KCNQ1: variants seen among roughly 807,000 people sequenced by gnomAD.
KCNQ1 encodes potassium voltage-gated channel subfamily KQT member 1.
KCNQ1 carries 49 observed loss-of-function variants against 72.4 expected under a neutral mutation model. The observed-to-expected ratio is 0.68, with a 90% CI of 0.54 to 0.86. The LOEUF (loss-of-function observed/expected upper bound fraction) is 0.86. KCNQ1 is among the 40% of genes least tolerant of loss of function. The pLI is 0.00. For synonymous variants in KCNQ1, 450 were observed against 412.6 expected, an observed-to-expected ratio of 1.09 and a Z score of -1.10; for missense variants, 790 against 945.1, an observed-to-expected ratio of 0.84 and a Z score of 2.15.
Position 2,703,093 on chromosome 11 carries a change from C to T in KCNQ1, c.1514+41012C>T, listed in dbSNP as rs536696053. Among the ~76,000 whole-genome samples, 1 of 152,158 alleles carries T rather than the reference C, an allele frequency of 6.6e-6. No homozygotes were observed. Among genetic ancestry groups the T allele is most frequent in the Non-Finnish European group, 1.5e-5 (1 of 68,020 alleles). On this transcript the variant is annotated intron_variant, in intron 11 of 15. Transcript: ENST00000155840. This position sits in a 1 kb window ranked among gnomAD's most constrained non-coding sequence, Gnocchi z 6.4. ...ATGTGAGGCTGGGCGGACTCCAGGC[C>T]AGCCCCAGAGGCAGATGGGGGCTGC...
At position 2,623,788 on chromosome 11, in the gene KCNQ1, G is replaced by A. The variant is rs1849215574; in HGVS notation, c.1393+34934G>A. ...TTCACCTCCTTTGAGTAAATACCAA[G>A]GATGTGATTGCTGAACTGCATGGTA... On this transcript the variant is annotated intron_variant, in intron 10 of 15. Coordinates refer to ENST00000155840, the MANE Select transcript of KCNQ1 (RefSeq NM_000218.3). The surrounding 1 kb of genome is among the most constrained non-coding windows in gnomAD (Gnocchi z 5.2). 7.5e-6 allele frequency: 3 copies of A among 398,306 alleles called. No homozygotes were observed. Among genetic ancestry groups the A allele is most frequent in the African/African-American group, 2.1e-5 (1 of 48,576 alleles). The allele number at this position is 398,306 out of a possible 1,614,324, so 24.7% of individuals were successfully genotyped here. A position where few individuals can be genotyped will look rare whatever the true frequency, so the allele number is the denominator to read the frequency against.
At position 2,687,933 on chromosome 11, in the gene KCNQ1, T is replaced by TCTCCCACCCGCTGTGGGTCAGCC; in HGVS notation, c.1514+25853_1514+25875dup. 1 of 398,646 alleles carries TCTCCCACCCGCTGTGGGTCAGCC rather than the reference T, an allele frequency of 2.5e-6. No homozygotes were observed. The highest frequency in any genetic ancestry group is 4.4e-6 in the Non-Finnish European group (1 of 226,168). 24.7% of individuals were successfully genotyped at this position (398,646 alleles called of 1,614,324 possible). ...TCCCCAGCAGTTGTGAGGCTGCACT[T>TCTCCCACCCGCTGTGGGTCAGCC]CTCCCACCCGCTGTGGGTCAGCCAG... On this transcript the variant is annotated intron_variant, in intron 11 of 15. Transcript: ENST00000155840. The surrounding 1 kb of genome is among the most constrained non-coding windows in gnomAD (Gnocchi z 5.0).
chr11:2,589,986 GA>G (rs1201091197), intron 10 of KCNQ1, among the ~76,000 whole-genome samples: 3 of 152,212 alleles, frequency 2.0e-5, no homozygotes, highest in Non-Finnish European at 4.4e-5. Flanking sequence ...TGAGAGTTAG[GA>G]GAGGTGGAAG....
Position 2,626,573 on chromosome 11 carries a change from C to T in KCNQ1, c.1394-35388C>T, listed in dbSNP as rs943402432. 5 of 398,520 alleles carry T rather than the reference C, an allele frequency of 1.3e-5. No homozygotes were observed. The highest frequency in any genetic ancestry group is 2.5e-4 in the South Asian group (2 of 7,848). 24.7% of individuals were successfully genotyped at this position (398,520 alleles called of 1,614,324 possible). Reference sequence around the variant, plus strand: ...TCAGACATTCTTACTCTGTTGCCCACGCTGGAGTACAGTGGCATTATCACT... The same window carrying T: ...TCAGACATTCTTACTCTGTTGCCCATGCTGGAGTACAGTGGCATTATCACT... On this transcript the variant is annotated intron_variant, in intron 10 of 15. Transcript: ENST00000155840. This position sits in a 1 kb window ranked among gnomAD's most constrained non-coding sequence, Gnocchi z 4.0.
rs549503385 is a variant in KCNQ1, at chr11:2,653,335, G to C, written c.1394-8626G>C. 6 of 398,702 alleles carry C rather than the reference G, an allele frequency of 1.5e-5. No individual in the cohort carries two copies. Among genetic ancestry groups the C allele is most frequent in the Middle Eastern group, 6.3e-4 (1 of 1,592 alleles). 24.7% of individuals were successfully genotyped at this position (398,702 alleles called of 1,614,324 possible). A position where few individuals can be genotyped will look rare whatever the true frequency, so the allele number is the denominator to read the frequency against. On this transcript the variant is annotated intron_variant, in intron 10 of 15. Transcript: ENST00000155840. The surrounding 1 kb of genome is among the most constrained non-coding windows in gnomAD (Gnocchi z 5.3). The stretch of plus-strand genomic sequence containing the variant: ...TAACCTTGACTGCCCCCAGGCCCAT[G>C]TCCGTAGGCTCACACCTCACCCCCA...
At chr11:2,496,704 G>A (rs1333456481) in intron 1 of KCNQ1, among the ~76,000 whole-genome samples, 2 of 151,908 alleles carry the variant, frequency 1.3e-5, no homozygotes, top group African/African-American at 4.8e-5. Context: ...ACATTGTTAT[G>A]TGTGAATTTG....
At chr11:2,656,180 TCTTC>T (rs1028818529) in intron 10 of KCNQ1, 2 of 398,526 alleles carry the variant, frequency 5.0e-6, no homozygotes, top group African/African-American at 4.1e-5. Context: ...GTTTTTTCTT[TCTTC>T]CTTCCTTTAA....
rs898497996 is a variant in KCNQ1, at chr11:2,463,814, G to A, written c.386+18330G>A. ...GGTCAGCCCTGAAGCCGGATGGCCCGGCCCCCGCTACCACGTGGAGGCTCC... is the reference window on the plus strand; with the variant it reads ...GGTCAGCCCTGAAGCCGGATGGCCCAGCCCCCGCTACCACGTGGAGGCTCC... On this transcript the variant is annotated intron_variant, in intron 1 of 15. Coordinates refer to ENST00000155840, the MANE Select transcript of KCNQ1 (RefSeq NM_000218.3). The surrounding 1 kb of genome is among the most constrained non-coding windows in gnomAD (Gnocchi z 7.0). Among the ~76,000 whole-genome samples, 5 of 152,206 alleles carry A rather than the reference G, an allele frequency of 3.3e-5. No homozygotes were observed. The highest frequency in any genetic ancestry group is 1.2e-4 in the African/African-American group (5 of 41,456).
chr11:2,577,113 G>C (rs909529814), intron 6 of KCNQ1, among the ~76,000 whole-genome samples: 37 of 152,240 alleles, frequency 2.4e-4, no homozygotes, highest in Non-Finnish European at 2.9e-4. Context: ...GACTTTCCCT[G>C]GACCGAAAGG....
intron 10 of KCNQ1, chr11:2,625,657 C>A: frequency 2.5e-6 from 1 of 397,236 alleles, no homozygotes. Context: ...CTTACTGCAA[C>A]CTCTGCCTCC....
At chr11:2,649,718 T>C (rs1849728702) in intron 10 of KCNQ1, 2 of 398,468 alleles carry the variant, frequency 5.0e-6, no homozygotes, top group East Asian at 3.6e-5. Flanking sequence ...TTCTCTCTTG[T>C]TTTTTAAATT....
At chr11:2,837,467 C>T (rs234867) in intron 15 of KCNQ1, among the ~76,000 whole-genome samples, 31,898 of 152,230 alleles carry the variant, frequency 0.21, 3,543 homozygotes, top group South Asian at 0.27. Context: ...ACAGACTCCC[C>T]GGCCCCTCCC....
chr11:2,620,560 T>C lies in KCNQ1; in HGVS notation c.1393+31706T>C. Reference sequence around the variant, plus strand: ...GCTGCATAGTATTCCATGGTGTACATGTACCACATTTTCTTTATCCAATCC... The same window carrying C: ...GCTGCATAGTATTCCATGGTGTACACGTACCACATTTTCTTTATCCAATCC... On this transcript the variant is annotated intron_variant, in intron 10 of 15. Coordinates refer to ENST00000155840, the MANE Select transcript of KCNQ1 (RefSeq NM_000218.3). This position sits in a 1 kb window ranked among gnomAD's most constrained non-coding sequence, Gnocchi z 4.5. 2.5e-6 allele frequency: 1 copy of C among 396,778 alleles called. No individual in the cohort carries two copies. The highest frequency in any genetic ancestry group is 4.4e-6 in the Non-Finnish European group (1 of 225,386). The allele number at this position is 396,778 out of a possible 1,614,324, so 24.6% of individuals were successfully genotyped here. A position where few individuals can be genotyped will look rare whatever the true frequency, so the allele number is the denominator to read the frequency against.
Position 2,715,154 on chromosome 11 carries a change from C to CCA in KCNQ1, c.1514+53074_1514+53075dup, listed in dbSNP as rs1851070972. Among the ~76,000 whole-genome samples the CCA allele has an allele frequency of 6.6e-6, 1 of 152,130 alleles. No homozygotes were observed. The highest frequency in any genetic ancestry group is 2.4e-5 in the African/African-American group (1 of 41,426). On this transcript the variant is annotated intron_variant, in intron 11 of 15. Transcript: ENST00000155840. The surrounding 1 kb of genome is among the most constrained non-coding windows in gnomAD (Gnocchi z 4.9). ...CATGAGATGCCCCTCACCCATCCTCCCATGAACCTCAGCATGGGCACCCCA... is the reference window on the plus strand; with the variant it reads ...CATGAGATGCCCCTCACCCATCCTCCCACATGAACCTCAGCATGGGCACCCCA...
intron 2 of KCNQ1, among the ~76,000 whole-genome samples, chr11:2,529,054 A>T (rs749199499): frequency 6.6e-6 from 1 of 152,158 alleles, no homozygotes; most frequent in Non-Finnish European, 1.5e-5. Context: ...AAGTGGTGTG[A>T]GGCACAGGCC....
At position 2,613,557 on chromosome 11, in the gene KCNQ1, G is replaced by A. The variant is rs1031801335; in HGVS notation, c.1393+24703G>A. 6 of 398,472 alleles carry A rather than the reference G, an allele frequency of 1.5e-5. No individual in the cohort carries two copies. The highest frequency in any genetic ancestry group is 2.7e-5 in the Non-Finnish European group (6 of 226,010). 24.7% of individuals were successfully genotyped at this position (398,472 alleles called of 1,614,324 possible). On this transcript the variant is annotated intron_variant, in intron 10 of 15. Transcript: ENST00000155840. This position sits in a 1 kb window ranked among gnomAD's most constrained non-coding sequence, Gnocchi z 4.8. ...TAAATCATAACCCTGCTATTCTTAG[G>A]AAGGCTTAATATTTTTTCTTTAATT...
At chr11:2,845,076 C>T (rs560498668) in intron 15 of KCNQ1, among the ~76,000 whole-genome samples, 10 of 152,208 alleles carry the variant, frequency 6.6e-5, no homozygotes, top group Admixed American at 3.3e-4. Context: ...GCTGAGAGAC[C>T]TCCCATGACC....
At position 2,828,865 on chromosome 11, in the gene KCNQ1, C is replaced by T. The variant is rs1847889808; in HGVS notation, c.1795-18902C>T. 6.6e-6 allele frequency among the ~76,000 whole-genome samples: 1 copy of T among 152,238 alleles called. No individual in the cohort carries two copies. The highest frequency in any genetic ancestry group is 1.5e-5 in the Non-Finnish European group (1 of 68,046). ...CACCAGCAATAAAGCAGACACTCCA[C>T]ATTTCCAGAGAGAAAAAGTAAGTCA... On this transcript the variant is annotated intron_variant, in intron 15 of 15. Coordinates refer to ENST00000155840, the MANE Select transcript of KCNQ1 (RefSeq NM_000218.3). The surrounding 1 kb of genome is among the most constrained non-coding windows in gnomAD (Gnocchi z 5.3).
rs1031010714 is a variant in KCNQ1 at position 2,767,224 on chromosome 11, G to A, written c.1515-1620G>A. 3.3e-5 allele frequency among the ~76,000 whole-genome samples: 5 copies of A among 151,988 alleles called. No homozygotes were observed. The highest frequency in any genetic ancestry group is 7.4e-5 in the Non-Finnish European group (5 of 67,980). On this transcript the variant is annotated intron_variant, in intron 11 of 15. Transcript: ENST00000155840. This position sits in a 1 kb window ranked among gnomAD's most constrained non-coding sequence, Gnocchi z 4.6. ...TTTGCTTAGCTAGGAGGTTGGACTT[G>A]GTTCAGCTAGGAGGTTGTTCTGTTG... is the stretch of plus-strand genomic sequence containing the variant.
Sources: gnomAD v4.1 joint callset for allele counts (sites outside exome capture counted in the v4.1 genomes callset) on GRCh38, gnomAD v4.1.1 for gene constraint, Gnocchi (gnomAD v3.1) non-coding constraint, MANE v1.5 for transcripts, NCBI Gene and HGNC (gene_info 2026-07-23, HGNC 2026-07-21) for gene names.